The following PPP2R2D variants were observed in gnomAD, a reference collection of about 807,000 sequenced individuals.
PPP2R2D encodes protein phosphatase 2 regulatory subunit Bdelta, also known as serine/threonine-protein phosphatase 2A 55 kDa regulatory subunit B delta isoform.
Under a neutral mutation model 31.1 loss-of-function variants are expected in PPP2R2D, and 9 were observed. That is an observed-to-expected ratio of 0.29 (90% CI 0.17 to 0.51). PPP2R2D has a LOEUF of 0.51. PPP2R2D is among the 20% of genes least tolerant of loss of function. PPP2R2D has a pLI of 0.98. For missense variants in PPP2R2D, 391 were observed against 465.6 expected (o/e 0.84, Z 1.48); for synonymous variants, 179 against 172.6 (o/e 1.04, Z -0.29).
chr10:131,916,078 A>G (rs1194020872), intron 2 of PPP2R2D, among the ~76,000 whole-genome samples: 2 of 152,208 alleles, frequency 1.3e-5, no homozygotes, highest in Non-Finnish European at 2.9e-5. Flanking sequence ...CGTAGGTAAA[A>G]TAGTAACCAT....
chr10:131,943,374 T>C (rs2036475572), intron 5 of PPP2R2D, among the ~76,000 whole-genome samples: 1 of 152,130 alleles, frequency 6.6e-6, no homozygotes, highest in African/African-American at 2.4e-5. Flanking sequence ...AGATAAGACA[T>C]CTGCCCTATA....
intron 2 of PPP2R2D, among the ~76,000 whole-genome samples, chr10:131,931,357 T>A (rs2036222635): frequency 6.6e-6 from 1 of 152,204 alleles, no homozygotes; most frequent in Admixed American, 6.5e-5. Context: ...TTTTTTGTTA[T>A]TTTTTACTGA....
At chr10:131,953,528 G>T (rs1284718469) in intron 8 of PPP2R2D, among the ~76,000 whole-genome samples, 14 of 139,548 alleles carry the variant, frequency 1.0e-4, no homozygotes, top group Non-Finnish European at 2.0e-4. Flanking sequence ...TGTGCAGGGG[G>T]TTTCACTGTC....
intron 2 of PPP2R2D, among the ~76,000 whole-genome samples, chr10:131,922,190 A>G (rs1216742402): frequency 6.6e-6 from 1 of 152,232 alleles, no homozygotes; most frequent in African/African-American, 2.4e-5. Flanking sequence ...AGTAAAACAC[A>G]ATAAAAGATT....
the PPP2R2D span, chr10:131,971,228 C>T: frequency 4.1e-6 from 2 of 491,578 alleles, no homozygotes; most frequent in Non-Finnish European, 7.4e-6. Context: ...GGCGTAAATA[C>T]ATTTGGTTCA....
chr10:131,963,343 C>T (rs143493191), downstream of PPP2R2D, among the ~76,000 whole-genome samples: 166 of 141,566 alleles, frequency 1.2e-3, no homozygotes, highest in Admixed American at 3.7e-3. Flanking sequence ...ACTGGTCATA[C>T]GTACAGCGTT....
chr10:131,925,201 G>A (rs901477952), intron 2 of PPP2R2D, among the ~76,000 whole-genome samples: 1 of 152,194 alleles, frequency 6.6e-6, no homozygotes. Flanking sequence ...CTAGAAGTTA[G>A]CAAATCAAAC....
At chr10:131,940,780 G>A in intron 5 of PPP2R2D, 86 bp downstream of exon 5, 3 of 676,194 alleles carry the variant, frequency 4.4e-6, no homozygotes, top group South Asian at 3.3e-5. Context: ...GCTGCGCGGT[G>A]GAGTACTGTG....
chr10:131,947,806 G>A lies in PPP2R2D; in HGVS notation c.1082+15G>A, dbSNP rs1430419617. On this transcript the variant is annotated intron_variant, in intron 8 of 8. Transcript: ENST00000455566. This position sits in a 1 kb window ranked among gnomAD's most constrained non-coding sequence, Gnocchi z 4.3. ...GGTTCGGATAGGTAAGGCCTGCGTGGAGATGAGCTGTCGCCCCAAGCTTGC... is the reference window on the plus strand; with the variant it reads ...GGTTCGGATAGGTAAGGCCTGCGTGAAGATGAGCTGTCGCCCCAAGCTTGC... 3.1e-6 allele frequency: 5 copies of A among 1,606,046 alleles called. No homozygotes were observed. Among genetic ancestry groups the A allele is most frequent in the Non-Finnish European group, 4.3e-6 (5 of 1,173,586 alleles).
In PPP2R2D at chr10:131,947,710, A is replaced by G; in HGVS notation, c.1001A>G (p.Tyr334Cys). Reference sequence around the variant, plus strand: ...GTGGAGACCCACCAGGTCCACGAGTACCTGCGCAGCAAGCTCTGCTCTCTC... The same window carrying G: ...GTGGAGACCCACCAGGTCCACGAGTGCCTGCGCAGCAAGCTCTGCTCTCTC... ...RPVETHQVHE[Y>C]LRSKLCSLYE... The change falls in exon 8 of 9, where the codon TAC (tyrosine) becomes TGC (cysteine). Residue 334 changes from tyrosine (Y) to cysteine (C), a missense_variant. Coordinates refer to ENST00000455566, the MANE Select transcript of PPP2R2D (RefSeq NM_018461.5). This position sits in a 1 kb window ranked among gnomAD's most constrained non-coding sequence, Gnocchi z 4.3. The G allele has an allele frequency of 6.2e-7, 1 of 1,614,212 alleles. No individual in the cohort carries two copies. Among genetic ancestry groups the G allele is most frequent in the Non-Finnish European group, 8.5e-7 (1 of 1,180,042 alleles).
At chr10:131,929,219 C>T (rs1239978484) in intron 2 of PPP2R2D, among the ~76,000 whole-genome samples, 2 of 152,254 alleles carry the variant, frequency 1.3e-5, no homozygotes, top group Non-Finnish European at 2.9e-5. Flanking sequence ...CCTCCTGATC[C>T]TCTGAGCCTC....
chr10:131,901,977 A>T (rs2035507510), intron 2 of PPP2R2D, among the ~76,000 whole-genome samples: 4 of 152,166 alleles, frequency 2.6e-5, no homozygotes, highest in African/African-American at 9.6e-5. Flanking sequence ...TCATGGTATT[A>T]CTTGAAGTTC....
At chr10:131,912,180 CTTCTT>C (rs1231427759) in intron 2 of PPP2R2D, 2 of 152,102 alleles carry the variant, frequency 1.3e-5, no homozygotes, top group African/African-American at 4.8e-5. Context: ...TTTTTTGCTA[CTTCTT>C]TTCCTTTCCT....
chr10:131,935,323 T>C (rs1424425574), intron 3 of PPP2R2D, among the ~76,000 whole-genome samples: 1 of 152,214 alleles, frequency 6.6e-6, no homozygotes, highest in African/African-American at 2.4e-5. Flanking sequence ...TCCTTATAAA[T>C]ACAGTCCCTT....
chr10:131,919,219 T>C, intron 2 of PPP2R2D, among the ~76,000 whole-genome samples: 1 of 124,430 alleles, frequency 8.0e-6, no homozygotes, highest in Admixed American at 8.2e-5. Context: ...AATGACACAG[T>C]GTAGGGACCT....
Position 131,919,552 on chromosome 10 carries a change from GAC to G in PPP2R2D, c.101-14902_101-14901del, listed in dbSNP as rs112525119. Among the ~76,000 whole-genome samples, 1,082 of 124,390 alleles carry G rather than the reference GAC, an allele frequency of 8.7e-3. 139 individuals are homozygous for G. The highest frequency in any genetic ancestry group is 0.012 in the Non-Finnish European group (687 of 58,972). 81.6% of individuals were successfully genotyped at this position (124,390 alleles called of 152,430 possible). A position where few individuals can be genotyped will look rare whatever the true frequency, so the allele number is the denominator to read the frequency against. On this transcript the variant is annotated intron_variant, in intron 2 of 8. Transcript: ENST00000455566. The stretch of plus-strand genomic sequence containing the variant: ...TGTAGGGACCTCAGGCGGGTGGAAT[GAC>G]ACAATGTAGGGATCTCACGTGGGTG...
chr10:131,926,550 TTGTC>T (rs1319657874), intron 2 of PPP2R2D, among the ~76,000 whole-genome samples: 1 of 152,320 alleles, frequency 6.6e-6, no homozygotes, highest in East Asian at 1.9e-4. Flanking sequence ...CCCACTTTTC[TTGTC>T]TGTCAGTTTG....
At chr10:131,923,486 A>G (rs2036033956) in intron 2 of PPP2R2D, among the ~76,000 whole-genome samples, 1 of 152,170 alleles carries the variant, frequency 6.6e-6, no homozygotes, top group South Asian at 2.1e-4. Context: ...GCTTGGTCAT[A>G]TGGCAACTGT....
chr10:131,925,506 A>G (rs1379076799), intron 2 of PPP2R2D, among the ~76,000 whole-genome samples: 2 of 152,164 alleles, frequency 1.3e-5, no homozygotes, highest in Admixed American at 1.3e-4. Context: ...TACTTCTCAT[A>G]TTTCAAAAAT....
Sources: allele counts gnomAD v4.1 joint callset (sites outside exome capture counted in the v4.1 genomes callset), GRCh38; gene constraint gnomAD v4.1.1; non-coding constraint Gnocchi (gnomAD v3.1); transcripts MANE v1.5; gene names NCBI Gene and HGNC (gene_info 2026-07-23, HGNC 2026-07-21).